Variants in NFIB observed in about 807,000 individuals in gnomAD.
The protein encoded by NFIB is nuclear factor I B, also known as nuclear factor 1 B-type.
In NFIB, 11 loss-of-function variants were observed where a neutral mutation model predicts 61.5. The ratio of observed to expected loss-of-function variants is 0.18; its 90% CI spans 0.11 to 0.30. The LOEUF (loss-of-function observed/expected upper bound fraction) is 0.30. NFIB is among the 10% of genes least tolerant of loss of function. The pLI is 1.00. For synonymous variants in NFIB, 260 were observed against 216.5 expected (o/e 1.20, Z -1.76); for missense variants, 471 against 608.9 (o/e 0.77, Z 2.38).
chr9:14,102,123 G>A (rs1023655919), intron 10 of NFIB, among the ~76,000 whole-genome samples: 2 of 151,994 alleles, frequency 1.3e-5, no homozygotes, highest in African/African-American at 4.8e-5. Context: ...CACTTTTCAG[G>A]TCCTAAAATC....
At chr9:14,266,922 A>C (rs1466429561) in intron 2 of NFIB, among the ~76,000 whole-genome samples, 2 of 152,212 alleles carry the variant, frequency 1.3e-5, no homozygotes, top group African/African-American at 4.8e-5. Flanking sequence ...CCACTAATAT[A>C]AAACAAAATG....
At chr9:14,289,088 G>GTGTGTGTGTGTGTGTGTGTGTGTGTA (rs1563979147) in intron 2 of NFIB, among the ~76,000 whole-genome samples, 3 of 146,770 alleles carry the variant, frequency 2.0e-5, no homozygotes, top group Non-Finnish European at 3.0e-5. Context: ...AAGCGTGTGT[G>GTGTGTGTGTGTGTGTGTGTGTGTGTA]TGTGTGTGTG....
chr9:14,216,560 G>C (rs921025314), intron 2 of NFIB, among the ~76,000 whole-genome samples: 3 of 62,892 alleles, frequency 4.8e-5, no homozygotes, highest in African/African-American at 7.4e-5. Flanking sequence ...GTGTGTGTGT[G>C]TGTGTGTGTG....
intron 10 of NFIB, 31 bp downstream of exon 10, chr9:14,112,968 A>C: frequency 1.3e-6 from 2 of 1,545,000 alleles, no homozygotes; most frequent in Non-Finnish European, 1.8e-6. Flanking sequence ...AAGCGTGGCT[A>C]CACCGTCACA....
intron 1 of NFIB, among the ~76,000 whole-genome samples, chr9:14,382,363 A>G (rs546156449): frequency 3.8e-4 from 58 of 151,390 alleles, no homozygotes; most frequent in South Asian, 1.3e-3. Flanking sequence ...AGAGAGAGAG[A>G]GGGAGAGAGA....
chr9:14,413,655 G>C, the NFIB span, among the ~76,000 whole-genome samples: 1 of 152,148 alleles, frequency 6.6e-6, no homozygotes, highest in African/African-American at 2.4e-5. Context: ...GGGAATGCTT[G>C]ATTACATTTA....
chr9:14,273,879 G>C (rs879564097), intron 2 of NFIB, among the ~76,000 whole-genome samples: 1 of 152,108 alleles, frequency 6.6e-6, no homozygotes, highest in Non-Finnish European at 1.5e-5. Flanking sequence ...TAGGCTTTTG[G>C]TGCCCCCGAA....
At chr9:14,421,233 TAAC>T in the NFIB span, among the ~76,000 whole-genome samples, 1 of 152,180 alleles carries the variant, frequency 6.6e-6, no homozygotes, top group Non-Finnish European at 1.5e-5. Context: ...ATGAGATAAA[TAAC>T]AATCATATTA....
chr9:14,166,037 T>G (rs1192737882), intron 3 of NFIB, among the ~76,000 whole-genome samples: 1 of 152,230 alleles, frequency 6.6e-6, no homozygotes, highest in African/African-American at 2.4e-5. Context: ...AAATGCAGTC[T>G]AAAATTTTGG....
At chr9:14,161,552 T>C (rs537514365) in intron 3 of NFIB, among the ~76,000 whole-genome samples, 1 of 151,924 alleles carries the variant, frequency 6.6e-6, no homozygotes, top group South Asian at 2.1e-4. Flanking sequence ...TAAATATAGT[T>C]GTATCCAGCT....
intron 2 of NFIB, among the ~76,000 whole-genome samples, chr9:14,276,208 T>C (rs2057985943): frequency 6.6e-6 from 1 of 152,172 alleles, no homozygotes; most frequent in Admixed American, 6.5e-5. Context: ...GGAAAAACAG[T>C]TGGGGAAAAG....
intron 2 of NFIB, among the ~76,000 whole-genome samples, chr9:14,248,266 C>G (rs2132104547): frequency 1.3e-5 from 2 of 151,494 alleles, no homozygotes; most frequent in Admixed American, 1.3e-4. Flanking sequence ...CCCTTCCTTC[C>G]TTCCCACCTA....
intron 2 of NFIB, among the ~76,000 whole-genome samples, chr9:14,232,526 A>G (rs2053311871): frequency 6.6e-6 from 1 of 152,190 alleles, no homozygotes; most frequent in Non-Finnish European, 1.5e-5. Context: ...AAGCCATCAG[A>G]TTTACTTCAC....
chr9:14,172,922 A>AC (rs1446694459), intron 3 of NFIB, among the ~76,000 whole-genome samples: 1 of 152,136 alleles, frequency 6.6e-6, no homozygotes, highest in African/African-American at 2.4e-5. Context: ...GGCAAGTGCC[A>AC]CCACACCCGG....
chr9:14,136,353 A>C (rs1455200167), intron 6 of NFIB, among the ~76,000 whole-genome samples: 2 of 152,252 alleles, frequency 1.3e-5, no homozygotes, highest in East Asian at 3.9e-4. Context: ...TGGCATAGGT[A>C]AATAGCTGCT....
At chr9:14,150,542 T>C (rs981632058) in intron 4 of NFIB, among the ~76,000 whole-genome samples, 1 of 152,078 alleles carries the variant, frequency 6.6e-6, no homozygotes, top group East Asian at 1.9e-4. Flanking sequence ...CTCCTTTATA[T>C]TAGTTGACAT....
At chr9:14,375,144 TA>T (rs2061403129) in intron 1 of NFIB, among the ~76,000 whole-genome samples, 1 of 152,142 alleles carries the variant, frequency 6.6e-6, no homozygotes, top group African/African-American at 2.4e-5. Flanking sequence ...ATTCCCAACA[TA>T]AGAGAAACTC....
intron 1 of NFIB, among the ~76,000 whole-genome samples, chr9:14,350,833 C>T (rs758027547): frequency 9.2e-5 from 14 of 152,164 alleles, no homozygotes; most frequent in Non-Finnish European, 1.6e-4. Flanking sequence ...TTCCAACAAC[C>T]CCCTTACAAT....
rs186228542 is a variant in NFIB at position 14,104,202 on chromosome 9, G to A, written c.1467+8797C>T. Reference sequence around the variant, plus strand: ...TGCTGGGATTACAGGTGTGAGCCACGGGTGCCTGGTCATAAATACTCTTAA... The same window carrying A: ...TGCTGGGATTACAGGTGTGAGCCACAGGTGCCTGGTCATAAATACTCTTAA... On this transcript the variant is annotated intron_variant, in intron 10 of 10. Coordinates refer to ENST00000380953, the MANE Select transcript of NFIB (RefSeq NM_001190737.2). Among the ~76,000 whole-genome samples the A allele has an allele frequency of 5.3e-5, 8 of 152,010 alleles. No individual in the cohort carries two copies. The South Asian group carries it at 8.3e-4, about 16-fold the overall frequency.
Sources: allele counts gnomAD v4.1 joint callset (sites outside exome capture counted in the v4.1 genomes callset), GRCh38; gene constraint gnomAD v4.1.1; transcripts MANE v1.5; gene names NCBI Gene and HGNC (gene_info 2026-07-23, HGNC 2026-07-21).